Variants in RANBP3 observed in about 807,000 individuals in gnomAD.
The protein encoded by RANBP3 is RAN binding protein 3.
Under a neutral mutation model 77.3 loss-of-function variants are expected in RANBP3, and 14 were observed. The observed-to-expected ratio is 0.18, with a 90% CI of 0.12 to 0.28. The LOEUF is 0.28. RANBP3 is among the 10% of genes least tolerant of loss of function. The pLI is 1.00. For missense variants in RANBP3, 586 were observed against 752.3 expected (o/e 0.78, Z 2.59); for synonymous variants, 315 against 312.4 (o/e 1.01, Z -0.09).
intron 9 of RANBP3, among the ~76,000 whole-genome samples, 153 bp downstream of exon 9, chr19:5,927,815 G>C (rs2057932725): frequency 6.6e-6 from 1 of 152,232 alleles, no homozygotes; most frequent in South Asian, 2.1e-4. Flanking sequence ...CACACCAGCA[G>C]CAGACTGTGC....
intron 9 of RANBP3, among the ~76,000 whole-genome samples, chr19:5,926,740 C>A (rs1209153479): frequency 6.6e-6 from 1 of 152,156 alleles, no homozygotes. Flanking sequence ...CCAAGCCCTT[C>A]CCCGCCTCTT....
intron 2 of RANBP3, among the ~76,000 whole-genome samples, chr19:5,957,169 A>G (rs753511473): frequency 1.3e-5 from 2 of 152,186 alleles, no homozygotes; most frequent in Admixed American, 6.5e-5. Flanking sequence ...ACTGCCACAC[A>G]GCACCAACTA....
chr19:5,972,257 T>A (rs1012316733), intron 1 of RANBP3, among the ~76,000 whole-genome samples: 13 of 152,216 alleles, frequency 8.5e-5, no homozygotes, highest in African/African-American at 3.1e-4. Context: ...TGATTTTCCC[T>A]GACAACCTCC....
chr19:5,942,679 C>G (rs1315027562), intron 3 of RANBP3, among the ~76,000 whole-genome samples: 1 of 131,802 alleles, frequency 7.6e-6, no homozygotes, highest in East Asian at 2.3e-4. Context: ...CCAGCCTGGG[C>G]GACACAGCGA....
At chr19:5,922,466 G>T (rs998997420) in intron 13 of RANBP3, among the ~76,000 whole-genome samples, 6 of 152,326 alleles carry the variant, frequency 3.9e-5, no homozygotes, top group African/African-American at 1.4e-4. Context: ...GGGTGGTGCG[G>T]CCTGAGGAGC....
intron 1 of RANBP3, among the ~76,000 whole-genome samples, chr19:5,962,970 A>G (rs1450441486): frequency 1.3e-5 from 2 of 152,216 alleles, no homozygotes; most frequent in Non-Finnish European, 2.9e-5. Flanking sequence ...GGGAATGGAC[A>G]GGCGGCCAGA....
chr19:5,956,645 A>C (rs1410678661), intron 2 of RANBP3, among the ~76,000 whole-genome samples: 1 of 152,166 alleles, frequency 6.6e-6, no homozygotes, highest in South Asian at 2.1e-4. Flanking sequence ...GGTTTAGAAC[A>C]ACCATTTTCC....
At position 5,925,625 on chromosome 19, in the gene RANBP3, G is replaced by C; in HGVS notation, c.917+9C>G. 6.2e-7 allele frequency: 1 copy of C among 1,613,158 alleles called. No homozygotes were observed. Among genetic ancestry groups the C allele is most frequent in the African/African-American group, 1.3e-5 (1 of 75,046 alleles). ...ATGCCAGGCTGGCCGCTGACACCGA[G>C]ACACACACCTGGAACTGATATACTG... On this transcript the variant is annotated intron_variant, in intron 10 of 16. Transcript: ENST00000340578.
chr19:5,957,924 T>C lies in RANBP3; in HGVS notation c.72A>G (p.Gly24=), dbSNP rs781521590. The change falls in exon 2 of 17, where the codon GGA becomes GGG. Residue 24 remains glycine, a synonymous_variant. Transcript: ENST00000340578. ...GAACGTACCGGCCCCTTACCTTTTG[T>C]CCTTTATCCTTCTGAAACACAAAGA... ...PPVFVFQKDK[G]QKSPAEQKNL... is the part of the protein sequence containing the mutation. The C allele has an allele frequency of 6.2e-7, 1 of 1,614,162 alleles. No individual in the cohort carries two copies. Among genetic ancestry groups the C allele is most frequent in the Non-Finnish European group, 8.5e-7 (1 of 1,180,028 alleles).
chr19:5,956,338 T>C (rs2058334562), intron 2 of RANBP3, among the ~76,000 whole-genome samples: 1 of 152,144 alleles, frequency 6.6e-6, no homozygotes, highest in Non-Finnish European at 1.5e-5. Flanking sequence ...CACTATTCTC[T>C]AAAACTAGAG....
intron 16 of RANBP3, 42 bp from the exon 17 acceptor site, chr19:5,917,695 C>G: frequency 6.3e-7 from 1 of 1,596,156 alleles, no homozygotes; most frequent in Admixed American, 1.7e-5. Context: ...GGAGCCCGCA[C>G]TTCCCAGGTC....
At chr19:5,927,512 C>A (rs898329019) in intron 9 of RANBP3, among the ~76,000 whole-genome samples, 2 of 152,380 alleles carry the variant, frequency 1.3e-5, no homozygotes, top group African/African-American at 4.8e-5. Context: ...TGCTGCTCAG[C>A]ACCCTGCAGT....
At chr19:5,950,027 T>C (rs1367260731) in intron 3 of RANBP3, among the ~76,000 whole-genome samples, 1 of 152,166 alleles carries the variant, frequency 6.6e-6, no homozygotes, top group Admixed American at 6.5e-5. Flanking sequence ...AAAGACCATC[T>C]GTTCCCAGAC....
At chr19:5,932,786 A>G in intron 6 of RANBP3, 1 of 526,018 alleles carries the variant, frequency 1.9e-6, no homozygotes, top group Non-Finnish European at 3.4e-6. Flanking sequence ...TCCAGTTAGC[A>G]CAGTAACGTG....
chr19:5,951,460 G>A lies in RANBP3; in HGVS notation c.215C>T (p.Ser72Leu), dbSNP rs748947507. 4 of 1,605,252 alleles carry A rather than the reference G, an allele frequency of 2.5e-6. No homozygotes were observed. Among genetic ancestry groups the A allele is most frequent in the Non-Finnish European group, 3.4e-6 (4 of 1,175,714 alleles). Residue 72 changes from serine to leucine, a missense_variant, in exon 3 of 17, where the codon TCA becomes TTA. Around this residue, in one of 5 missense-constraint regions of RANBP3, gnomAD observed 172 missense variants for 183.4 expected, o/e 0.94. Coordinates refer to ENST00000340578, the MANE Select transcript of RANBP3 (RefSeq NM_007322.3). ...AGCGGGAGGCGGAGGAGTGCTGGCT[G>A]AGGCGCCAGCAGGGGCAGGAGGTTC... ...ALEPPAPAGASASTPPPPAPE... is the reference protein window; with the variant it reads ...ALEPPAPAGALASTPPPPAPE...
chr19:5,929,279 G>C (rs893816222), intron 8 of RANBP3, among the ~76,000 whole-genome samples: 4 of 152,252 alleles, frequency 2.6e-5, no homozygotes, highest in Non-Finnish European at 5.9e-5. Flanking sequence ...CACACAACGT[G>C]TTTGGCGACC....
At chr19:5,945,350 CAT>C (rs1383671935) in intron 3 of RANBP3, among the ~76,000 whole-genome samples, 9 of 152,356 alleles carry the variant, frequency 5.9e-5, no homozygotes, top group East Asian at 3.9e-4. Flanking sequence ...TTAATTTCCA[CAT>C]GTGTCAATTT....
At chr19:5,955,116 ATTTTATTTTTAAT>A (rs1199382308) in intron 2 of RANBP3, among the ~76,000 whole-genome samples, 1 of 152,212 alleles carries the variant, frequency 6.6e-6, no homozygotes, top group African/African-American at 2.4e-5. Flanking sequence ...TATACTTGGC[ATTTTATTTTTAAT>A]TTTTATTTTT....
intron 1 of RANBP3, among the ~76,000 whole-genome samples, chr19:5,966,457 C>T (rs1265011485): frequency 2.6e-5 from 4 of 152,208 alleles, no homozygotes; most frequent in South Asian, 4.1e-4. Flanking sequence ...GTCAAATGTT[C>T]GGCCCTGGAA....
Sources: allele counts gnomAD v4.1 joint callset (sites outside exome capture counted in the v4.1 genomes callset), GRCh38; gene constraint gnomAD v4.1.1; regional missense constraint gnomAD v4.1.1; transcripts MANE v1.5; gene names NCBI Gene and HGNC (gene_info 2026-07-23, HGNC 2026-07-21).